The following RAPGEF1 variants were observed in gnomAD, a reference collection of about 807,000 sequenced individuals.
RAPGEF1 encodes CRK SH3-binding GNRP.
A neutral mutation model predicts 143.3 loss-of-function variants in RAPGEF1; 33 were observed. The ratio of observed to expected loss-of-function variants is 0.23; its 90% CI spans 0.17 to 0.31. RAPGEF1 has a LOEUF of 0.31. Among genes scored for constraint, RAPGEF1 ranks in the 10% least tolerant of loss-of-function variants. The pLI is 1.00. For synonymous variants in RAPGEF1, 629 were observed against 676.5 expected (o/e 0.93, Z 1.09); for missense variants, 1,199 against 1,645.4 (o/e 0.73, Z 4.69).
chr9:131,710,168 C>T (rs1386063891), intron 1 of RAPGEF1, among the ~76,000 whole-genome samples: 2 of 152,178 alleles, frequency 1.3e-5, no homozygotes, highest in East Asian at 3.9e-4. Flanking sequence ...GCCACGCCTT[C>T]TATTTCAGAG....
chr9:131,730,193 CAAAAAAAA>C (rs57402366), intron 1 of RAPGEF1, among the ~76,000 whole-genome samples: 36 of 66,982 alleles, frequency 5.4e-4, no homozygotes, highest in African/African-American at 2.0e-3. Context: ...GACTCCCTCT[CAAAAAAAA>C]AAAAAAAAAA....
chr9:131,609,164 C>T (rs913792026), intron 12 of RAPGEF1, among the ~76,000 whole-genome samples: 3 of 151,892 alleles, frequency 2.0e-5, no homozygotes, highest in Non-Finnish European at 2.9e-5. Context: ...CATAGCCAGT[C>T]GAAACACAGC....
At chr9:131,719,888 T>C (rs1044456824) in intron 1 of RAPGEF1, among the ~76,000 whole-genome samples, 3 of 90,098 alleles carry the variant, frequency 3.3e-5, no homozygotes, top group African/African-American at 8.8e-5. Context: ...CTTTCTTTCT[T>C]TTTTTTTTTT....
chr9:131,681,736 C>T (rs1179048857), intron 1 of RAPGEF1, among the ~76,000 whole-genome samples: 1 of 152,154 alleles, frequency 6.6e-6, no homozygotes, highest in Non-Finnish European at 1.5e-5. Flanking sequence ...ATGCACAACT[C>T]ATCATGCCGG....
rs951409208 is a variant in RAPGEF1 at position 131,740,005 on chromosome 9, G to A, written c.-175C>T. On this transcript the variant is annotated 5_prime_UTR_variant, in exon 1 of 27. Coordinates refer to ENST00000683357, the MANE Select transcript of RAPGEF1 (RefSeq NM_001377935.1). This position sits in a 1 kb window ranked among gnomAD's most constrained non-coding sequence, Gnocchi z 4.5. ...GGGCCCAGCCGCTCCCGCCGCGCCCGCCGCCGCCGCTCCGCCTCCCGCGCG... is the reference window on the plus strand; with the variant it reads ...GGGCCCAGCCGCTCCCGCCGCGCCCACCGCCGCCGCTCCGCCTCCCGCGCG... 2.2e-4 allele frequency: 36 copies of A among 164,588 alleles called. No homozygotes were observed. Among genetic ancestry groups the A allele is most frequent in the Non-Finnish European group, 3.5e-4 (29 of 83,330 alleles). The allele number at this position is 164,588 out of a possible 1,614,324, so 10.2% of individuals were successfully genotyped here. A position where few individuals can be genotyped will look rare whatever the true frequency, so the allele number is the denominator to read the frequency against.
chr9:131,729,270 G>A (rs1004705722), intron 1 of RAPGEF1, among the ~76,000 whole-genome samples: 2 of 143,332 alleles, frequency 1.4e-5, no homozygotes, highest in Non-Finnish European at 1.5e-5. Context: ...GTTCCCCAAG[G>A]GCACTGACGC....
Position 131,644,220 on chromosome 9 carries a change from C to T in RAPGEF1, c.316-803G>A, listed in dbSNP as rs55880017. ...AGCTTTTCTCCCTGACCGTGGGAGG[C>T]CTTGGATCCAGTTGGTGGGTCTACA... On this transcript the variant is annotated intron_variant, in intron 3 of 26. Transcript: ENST00000683357. 2.8e-3 allele frequency among the ~76,000 whole-genome samples: 424 copies of T among 152,162 alleles called. 1 individual carries two copies. Among genetic ancestry groups the T allele is most frequent in the African/African-American group, 9.8e-3 (406 of 41,512 alleles).
Position 131,584,761 on chromosome 9 carries a change from C to G in RAPGEF1, c.3234-165G>C, listed in dbSNP as rs1342759218. ...CAGGCATAGATCTAGTTTCTGCTCT[C>G]CAGGAGCTCATAACATCCTGGGACA... On this transcript the variant is annotated intron_variant, in intron 22 of 26. Transcript: ENST00000683357. The surrounding 1 kb of genome is among the most constrained non-coding windows in gnomAD (Gnocchi z 6.8). 6.6e-6 allele frequency among the ~76,000 whole-genome samples: 1 copy of G among 152,210 alleles called. No homozygotes were observed. The highest frequency in any genetic ancestry group is 2.4e-5 in the African/African-American group (1 of 41,456).
intron 1 of RAPGEF1, among the ~76,000 whole-genome samples, chr9:131,692,507 G>C (rs1365955189): frequency 6.6e-6 from 1 of 152,144 alleles, no homozygotes; most frequent in African/African-American, 2.4e-5. Context: ...TATATTATGA[G>C]GGACAGGTCT....
chr9:131,660,598 G>A lies in RAPGEF1; in HGVS notation c.62-9649C>T, dbSNP rs567945116. On this transcript the variant is annotated intron_variant, in intron 1 of 26. Transcript: ENST00000683357. Reference sequence around the variant, plus strand: ...ACTTCTGCTCTTCAAACAATGCTGCGTTGATGAACACCCTCAAGCTGGCCT... The same window carrying A: ...ACTTCTGCTCTTCAAACAATGCTGCATTGATGAACACCCTCAAGCTGGCCT... 7.9e-5 allele frequency among the ~76,000 whole-genome samples: 12 copies of A among 152,302 alleles called. No individual in the cohort carries two copies. The South Asian group carries it at 2.1e-3, about 26-fold the overall frequency.
At chr9:131,673,880 G>C (rs1831824751) in intron 1 of RAPGEF1, among the ~76,000 whole-genome samples, 1 of 152,188 alleles carries the variant, frequency 6.6e-6, no homozygotes, top group South Asian at 2.1e-4. Context: ...GTTCCGTTCT[G>C]CAGCTGGTGT....
In RAPGEF1 at chr9:131,684,847, G is replaced by A. The variant is rs574874170; in HGVS notation, c.62-33898C>T. On this transcript the variant is annotated intron_variant, in intron 1 of 26. Coordinates refer to ENST00000683357, the MANE Select transcript of RAPGEF1 (RefSeq NM_001377935.1). ...GATGCCGAGGAAGAGATTCCGGGAG[G>A]ATCCCAAGGACCCCTCAGTTGCAGC... 7.0e-4 allele frequency among the ~76,000 whole-genome samples: 107 copies of A among 152,312 alleles called. 1 individual carries two copies. The highest frequency in any genetic ancestry group is 5.9e-5 in the Non-Finnish European group (4 of 68,038).
In RAPGEF1 at chr9:131,586,309, AACAC is replaced by A. The variant is rs574969723; in HGVS notation, c.3233+1423_3233+1426del. Among the ~76,000 whole-genome samples the A allele has an allele frequency of 5.9e-4, 27 of 45,552 alleles. 1 individual carries two copies. Among genetic ancestry groups the A allele is most frequent in the East Asian group, 2.9e-3 (5 of 1,720 alleles). The allele number at this position is 45,552 out of a possible 152,430, so 29.9% of individuals were successfully genotyped here. The stretch of plus-strand genomic sequence containing the variant: ...ACCTGCAGAGCCAGACTCCGTCTCA[AACAC>A]ACACACACACACACACCTGCAGAGC... On this transcript the variant is annotated intron_variant, in intron 22 of 26. Transcript: ENST00000683357.
Position 131,579,261 on chromosome 9 carries a change from G to T in RAPGEF1, c.*236C>A. Reference sequence around the variant, plus strand: ...CCAGAAAACCACCGGTTTGTAAATTGGCAACAAGACCTGCCTGCTGGCTGC... The same window carrying T: ...CCAGAAAACCACCGGTTTGTAAATTTGCAACAAGACCTGCCTGCTGGCTGC... On this transcript the variant is annotated 3_prime_UTR_variant, in exon 27 of 27. Transcript: ENST00000683357. The T allele has an allele frequency of 3.8e-6, 2 of 525,870 alleles. No homozygotes were observed. The highest frequency in any genetic ancestry group is 3.4e-6 in the Non-Finnish European group (1 of 297,724). The allele number at this position is 525,870 out of a possible 1,614,324, so 32.6% of individuals were successfully genotyped here.
Position 131,628,995 on chromosome 9 carries a change from G to C in RAPGEF1, c.893+107C>G. ...GACAGCTCCAGAGTCAGCCTCCCAA[G>C]GGGGGCCAAGCCCTCAGCGCTGAGG... On this transcript the variant is annotated intron_variant, in intron 7 of 26. Coordinates refer to ENST00000683357, the MANE Select transcript of RAPGEF1 (RefSeq NM_001377935.1). The surrounding 1 kb of genome is among the most constrained non-coding windows in gnomAD (Gnocchi z 5.7). 1 of 1,418,530 alleles carries C rather than the reference G, an allele frequency of 7.0e-7. No individual in the cohort carries two copies. The highest frequency in any genetic ancestry group is 2.4e-5 in the East Asian group (1 of 41,898). The allele number at this position is 1,418,530 out of a possible 1,614,324, so 87.9% of individuals were successfully genotyped here. A position where few individuals can be genotyped will look rare whatever the true frequency, so the allele number is the denominator to read the frequency against.
At chr9:131,684,862 T>C (rs1174911834) in intron 1 of RAPGEF1, among the ~76,000 whole-genome samples, 7 of 152,312 alleles carry the variant, frequency 4.6e-5, no homozygotes, top group Non-Finnish European at 7.4e-5. Flanking sequence ...CAAGGACCCC[T>C]CAGTTGCAGC....
chr9:131,706,772 C>G (rs1296788064), intron 1 of RAPGEF1, among the ~76,000 whole-genome samples: 2 of 152,188 alleles, frequency 1.3e-5, no homozygotes, highest in African/African-American at 4.8e-5. Flanking sequence ...GTCCCCGGGT[C>G]TATCAGCCCA....
chr9:131,680,991 C>T lies in RAPGEF1; in HGVS notation c.62-30042G>A, dbSNP rs1051727760. Reference sequence around the variant, plus strand: ...ACACCCGAGTACTCTCAAAGCAATCCCCCTGGTGAGTAAGAAGGGGAGCTC... The same window carrying T: ...ACACCCGAGTACTCTCAAAGCAATCTCCCTGGTGAGTAAGAAGGGGAGCTC... On this transcript the variant is annotated intron_variant, in intron 1 of 26. Transcript: ENST00000683357. 8.5e-5 allele frequency among the ~76,000 whole-genome samples: 13 copies of T among 152,172 alleles called. No individual in the cohort carries two copies. The South Asian group carries it at 1.7e-3, about 19-fold the overall frequency.
At chr9:131,598,378 G>T in intron 15 of RAPGEF1, 68 bp from the exon 16 acceptor site, 2 of 1,392,288 alleles carry the variant, frequency 1.4e-6, no homozygotes, top group South Asian at 1.2e-5. Context: ...GGAGGCCAAG[G>T]CAGTGCCGGT....
Sources: allele counts gnomAD v4.1 joint callset (sites outside exome capture counted in the v4.1 genomes callset), GRCh38; gene constraint gnomAD v4.1.1; non-coding constraint Gnocchi (gnomAD v3.1); transcripts MANE v1.5; gene names NCBI Gene and HGNC (gene_info 2026-07-23, HGNC 2026-07-21).